The following PTPRN variants were observed in gnomAD, a reference collection of about 807,000 sequenced individuals.
PTPRN encodes protein tyrosine phosphatase receptor type N.
In PTPRN, 70 loss-of-function variants were observed where a neutral mutation model predicts 108.5. That is an observed-to-expected ratio of 0.65 (90% CI 0.53 to 0.79). PTPRN has a LOEUF of 0.79. Ranked by LOEUF, PTPRN falls within the 30% of genes least tolerant of loss-of-function variation. The pLI is 0.00. For missense variants in PTPRN, 1,136 were observed against 1,295.5 expected, an observed-to-expected ratio of 0.88 and a Z score of 1.89; for synonymous variants, 496 against 524.6, an observed-to-expected ratio of 0.95 and a Z score of 0.75.
chr2:219,293,537 G>A lies in PTPRN; in HGVS notation c.2675+1438C>T, dbSNP rs1206477346. On this transcript the variant is annotated intron_variant, in intron 19 of 22. Coordinates refer to ENST00000295718, the MANE Select transcript of PTPRN (RefSeq NM_002846.4). ...GTTCTGGATGTCTAATGCCAACTGA[G>A]TTTACATAATTCCAGCCTAAAGCAA... 5.9e-5 allele frequency among the ~76,000 whole-genome samples: 9 copies of A among 152,276 alleles called. No individual in the cohort carries two copies. In the East Asian group the frequency reaches 1.5e-3, roughly 26 times the overall value.
chr2:219,290,317 G>C lies in PTPRN; in HGVS notation c.2869-20C>G. The C allele has an allele frequency of 6.2e-7, 1 of 1,610,488 alleles. No individual in the cohort carries two copies. Among genetic ancestry groups the C allele is most frequent in the Non-Finnish European group, 8.5e-7 (1 of 1,177,332 alleles). On this transcript the variant is annotated intron_variant, in intron 22 of 22. Coordinates refer to ENST00000295718, the MANE Select transcript of PTPRN (RefSeq NM_002846.4). This position sits in a 1 kb window ranked among gnomAD's most constrained non-coding sequence, Gnocchi z 4.2. Reference sequence around the variant, plus strand: ...CTGGTCCTGAGGAAGGGCAGTGGTAGGATGGTCATGGAGAGGGCTGACCTG... The same window carrying C: ...CTGGTCCTGAGGAAGGGCAGTGGTACGATGGTCATGGAGAGGGCTGACCTG...
At chr2:219,291,623 CACCTGCCCG>C in intron 19 of PTPRN, 100 bp from the exon 20 acceptor site, 1 of 1,227,310 alleles carries the variant, frequency 8.1e-7, no homozygotes, top group Non-Finnish European at 1.2e-6. Context: ...CTTTTCTCCC[CACCTGCCCG>C]GGGCAGAGAG....
rs1024900336 is a variant in PTPRN at position 219,303,893 on chromosome 2, A to G, written c.281-62T>C. ...GTCTGGGGATCCAGTAACGGGGACCACTGGGGATCAGAACTGTACCCTCTG... is the reference window on the plus strand; with the variant it reads ...GTCTGGGGATCCAGTAACGGGGACCGCTGGGGATCAGAACTGTACCCTCTG... On this transcript the variant is annotated intron_variant, in intron 3 of 22. Coordinates refer to ENST00000295718, the MANE Select transcript of PTPRN (RefSeq NM_002846.4). 4.9e-5 allele frequency: 65 copies of G among 1,323,100 alleles called. No individual in the cohort carries two copies. The Admixed American group carries it at 1.2e-3, about 25-fold the overall frequency. The allele number at this position is 1,323,100 out of a possible 1,614,324, so 82.0% of individuals were successfully genotyped here.
At position 219,290,419 on chromosome 2, in the gene PTPRN, C is replaced by T; in HGVS notation, c.2868+119G>A. On this transcript the variant is annotated intron_variant, in intron 22 of 22. Coordinates refer to ENST00000295718, the MANE Select transcript of PTPRN (RefSeq NM_002846.4). The surrounding 1 kb of genome is among the most constrained non-coding windows in gnomAD (Gnocchi z 4.2). Reference sequence around the variant, plus strand: ...GTCCCCTGGGAGGAAGGGAGCCCTCCTGGAGGAGGCGCAGAAGCAGGTGGG... The same window carrying T: ...GTCCCCTGGGAGGAAGGGAGCCCTCTTGGAGGAGGCGCAGAAGCAGGTGGG... 5 of 1,393,434 alleles carry T rather than the reference C, an allele frequency of 3.6e-6. No homozygotes were observed. Among genetic ancestry groups the T allele is most frequent in the Non-Finnish European group, 5.0e-6 (5 of 1,004,974 alleles). 86.3% of individuals were successfully genotyped at this position (1,393,434 alleles called of 1,614,324 possible). A position where few individuals can be genotyped will look rare whatever the true frequency, so the allele number is the denominator to read the frequency against.
At chr2:219,299,016 G>A in intron 12 of PTPRN, 31 bp downstream of exon 12, 1 of 1,612,338 alleles carries the variant, frequency 6.2e-7, no homozygotes, top group Non-Finnish European at 8.5e-7. Flanking sequence ...GCCCTCTGGG[G>A]ACTTGGACTG....
intron 19 of PTPRN, chr2:219,292,962 C>T (rs573949310): frequency 2.6e-5 from 4 of 152,292 alleles, no homozygotes; most frequent in African/African-American, 4.8e-5. Flanking sequence ...AAACCACCCC[C>T]TCTCCCAGCC....
Position 219,290,635 on chromosome 2 carries a change from G to T in PTPRN, c.2795-24C>A. On this transcript the variant is annotated intron_variant, in intron 21 of 22. Transcript: ENST00000295718. This position sits in a 1 kb window ranked among gnomAD's most constrained non-coding sequence, Gnocchi z 4.2. The stretch of plus-strand genomic sequence containing the variant: ...TCCTGGAGATGGAGGTGGGGATGGG[G>T]CTGCTCAGGGGGTGTCCAGAGGAGG... The T allele has an allele frequency of 6.5e-7, 1 of 1,546,910 alleles. No homozygotes were observed. Among genetic ancestry groups the T allele is most frequent in the Non-Finnish European group, 8.8e-7 (1 of 1,142,456 alleles).
rs1227713689 is a variant in PTPRN at position 219,302,148 on chromosome 2, G to A, written c.983C>T (p.Ala328Val). 6.3e-7 allele frequency: 1 copy of A among 1,585,364 alleles called. No individual in the cohort carries two copies. Among genetic ancestry groups the A allele is most frequent in the Admixed American group, 1.7e-5 (1 of 58,266 alleles). Residue 328 changes from alanine (A) to valine (V), a missense_variant, in exon 6 of 23, where the codon GCT (alanine) becomes GTT (valine). Physicochemically the swap from Ala to Val is moderately conservative, Grantham distance 64. Transcript: ENST00000295718. ...GDRGEKPASPAVQPDAALQRL... is the reference protein window; with the variant it reads ...GDRGEKPASPVVQPDAALQRL... ...GAGGACCTTGTTACCTGGCTGCACAGCTGGGGAAGCAGGCTTCTCTCCACG... is the reference window on the plus strand; with the variant it reads ...GAGGACCTTGTTACCTGGCTGCACAACTGGGGAAGCAGGCTTCTCTCCACG...
At position 219,297,576 on chromosome 2, in the gene PTPRN, C is replaced by T; in HGVS notation, c.1888-143G>A. 1 of 859,796 alleles carries T rather than the reference C, an allele frequency of 1.2e-6. No homozygotes were observed. Among genetic ancestry groups the T allele is most frequent in the South Asian group, 1.7e-5 (1 of 57,416 alleles). The allele number at this position is 859,796 out of a possible 1,614,324, so 53.3% of individuals were successfully genotyped here. A position where few individuals can be genotyped will look rare whatever the true frequency, so the allele number is the denominator to read the frequency against. On this transcript the variant is annotated intron_variant, in intron 13 of 22. Transcript: ENST00000295718. This position sits in a 1 kb window ranked among gnomAD's most constrained non-coding sequence, Gnocchi z 6.0. The stretch of plus-strand genomic sequence containing the variant: ...CTCTGGGGTATGGTCTTCTGCCTGG[C>T]CCTGATCCTTTCCAGGGCTGTTTTG...
At chr2:219,295,464 T>C (rs1358870124) in intron 18 of PTPRN, 3 of 240,124 alleles carry the variant, frequency 1.2e-5, no homozygotes, top group Non-Finnish European at 2.4e-5. Flanking sequence ...GTATTCTTAC[T>C]GGATTTTTTT....
Position 219,296,591 on chromosome 2 carries a change from G to A in PTPRN, c.2311-75C>T. 8.8e-6 allele frequency: 14 copies of A among 1,584,906 alleles called. No homozygotes were observed. Among genetic ancestry groups the A allele is most frequent in the Non-Finnish European group, 1.2e-5 (14 of 1,155,704 alleles). ...GGACAGGCGTGGTCAGAGCAAGTGG[G>A]TCAGGGTCTGAGAAGGCTGGCAGTT... On this transcript the variant is annotated intron_variant, in intron 16 of 22. Transcript: ENST00000295718. This position sits in a 1 kb window ranked among gnomAD's most constrained non-coding sequence, Gnocchi z 6.0.
intron 1 of PTPRN, 111 bp from the exon 2 acceptor site, chr2:219,307,953 A>T: frequency 9.3e-7 from 1 of 1,075,540 alleles, no homozygotes; most frequent in Non-Finnish European, 1.4e-6. Flanking sequence ...TTTCATTCTA[A>T]AGAAGGCCTT....
chr2:219,294,905 CGAG>C, intron 19 of PTPRN, 67 bp downstream of exon 19: 2 of 1,364,754 alleles, frequency 1.5e-6, no homozygotes, highest in Non-Finnish European at 1.9e-6. Flanking sequence ...GGCTCCAGGC[CGAG>C]CGGCGGGCGG....
chr2:219,294,489 G>GAA (rs1459787036), intron 19 of PTPRN, among the ~76,000 whole-genome samples: 4,357 of 151,080 alleles, frequency 0.029, 219 homozygotes, highest in African/African-American at 0.1. Context: ...AAAAAGAGGC[G>GAA]AAGAGACGGA....
chr2:219,296,425 C>A lies in PTPRN; in HGVS notation c.2388+14G>T. 9 of 1,614,162 alleles carry A rather than the reference C, an allele frequency of 5.6e-6. No individual in the cohort carries two copies. The highest frequency in any genetic ancestry group is 7.6e-6 in the Non-Finnish European group (9 of 1,180,006). On this transcript the variant is annotated intron_variant, in intron 17 of 22. Transcript: ENST00000295718. The surrounding 1 kb of genome is among the most constrained non-coding windows in gnomAD (Gnocchi z 6.0). ...CACAAGGACCCCAGCGAAGCCCTCC[C>A]TTTAAGAGCCCACCTGCCAGAAGTC...
rs1952312387 is a variant in PTPRN at position 219,300,279 on chromosome 2, G to T, written c.1162-20C>A. ...CATTGTCTGTTCAGAAGAGGGTGGAGGTGTGGCCTCTGGACAGTGCTGGGG... is the reference window on the plus strand; with the variant it reads ...CATTGTCTGTTCAGAAGAGGGTGGATGTGTGGCCTCTGGACAGTGCTGGGG... On this transcript the variant is annotated intron_variant, in intron 8 of 22. Transcript: ENST00000295718. 14 of 1,541,386 alleles carry T rather than the reference G, an allele frequency of 9.1e-6. No individual in the cohort carries two copies. Among genetic ancestry groups the T allele is most frequent in the Non-Finnish European group, 1.1e-5 (13 of 1,143,464 alleles).
At position 219,296,902 on chromosome 2, in the gene PTPRN, GAAGCCCAACCCCTTACCCC is replaced by G; in HGVS notation, c.2236+64_2237-81del. The G allele has an allele frequency of 1.2e-6, 2 of 1,612,664 alleles. No homozygotes were observed. Among genetic ancestry groups the G allele is most frequent in the African/African-American group, 1.3e-5 (1 of 74,980 alleles). ...GACCTCTGCCACTCAGCCTGAGCCA[GAAGCCCAACCCCTTACCCC>G]AAGCCCTCCAGACCTCGCAGCAGAG... On this transcript the variant is annotated intron_variant, in intron 15 of 22. Transcript: ENST00000295718. The surrounding 1 kb of genome is among the most constrained non-coding windows in gnomAD (Gnocchi z 6.0).
intron 18 of PTPRN, chr2:219,295,899 C>T (rs534340068): frequency 2.4e-4 from 62 of 255,744 alleles, no homozygotes; most frequent in African/African-American, 1.0e-3. Flanking sequence ...CTTCTTACCT[C>T]GGTTTTGGTG....
At chr2:219,295,172 G>A (rs59726321) in intron 18 of PTPRN, 31 bp from the exon 19 acceptor site, 29,869 of 1,594,970 alleles carry the variant, frequency 0.019, 657 homozygotes, top group East Asian at 0.097. Flanking sequence ...CCTGAGCGCC[G>A]CGGGCTGCCC....
Sources: gnomAD v4.1 joint callset for allele counts (sites outside exome capture counted in the v4.1 genomes callset) on GRCh38, gnomAD v4.1.1 for gene constraint, Gnocchi (gnomAD v3.1) non-coding constraint, MANE v1.5 for transcripts, NCBI Gene and HGNC (gene_info 2026-07-23, HGNC 2026-07-21) for gene names.